NR3C2: variants seen among roughly 807,000 people sequenced by gnomAD.
The protein encoded by NR3C2 is mineralocorticoid receptor.
Under a neutral mutation model 86.4 loss-of-function variants are expected in NR3C2, and 15 were observed. The observed-to-expected ratio is 0.17, with a 90% CI of 0.12 to 0.27. The LOEUF (loss-of-function observed/expected upper bound fraction) is 0.27. NR3C2 is among the 10% of genes least tolerant of loss of function. The pLI, the probability that NR3C2 is intolerant of heterozygous loss-of-function variation, is 1.00. For synonymous variants in NR3C2, 458 were observed against 450.5 expected (o/e 1.02, Z -0.21); for missense variants, 960 against 1,195.6 (o/e 0.80, Z 2.91).
intron 2 of NR3C2, among the ~76,000 whole-genome samples, chr4:148,309,098 A>G (rs1372728837): frequency 6.6e-6 from 1 of 152,224 alleles, no homozygotes; most frequent in East Asian, 1.9e-4. Context: ...TGATCACTAT[A>G]CATTATACGT....
chr4:148,092,968 A>G (rs1440908684), intron 8 of NR3C2, among the ~76,000 whole-genome samples: 1 of 152,228 alleles, frequency 6.6e-6, no homozygotes, highest in African/African-American at 2.4e-5. Context: ...CTTTCCTGGT[A>G]GATCCCAGGC....
At chr4:148,174,275 G>A (rs1054279046) in intron 4 of NR3C2, among the ~76,000 whole-genome samples, 1 of 151,956 alleles carries the variant, frequency 6.6e-6, no homozygotes, top group African/African-American at 2.4e-5. Context: ...TATTTTAATC[G>A]AATCTCTTAT....
chr4:148,234,555 C>T lies in NR3C2; in HGVS notation c.1897+25423G>A, dbSNP rs970691955. Among the ~76,000 whole-genome samples the T allele has an allele frequency of 9.2e-5, 14 of 151,820 alleles. 1 individual carries two copies. Among genetic ancestry groups the T allele is most frequent in the South Asian group, 8.3e-4 (4 of 4,806 alleles). On this transcript the variant is annotated intron_variant, in intron 3 of 8. Transcript: ENST00000358102. ...AAAATTAGCCAGGTATGGTGGCATG[C>T]GCCTGTAGTCCTAGCTACTTGGGAG... is the stretch of plus-strand genomic sequence containing the variant.
At chr4:148,414,040 C>G (rs138160899) in intron 2 of NR3C2, among the ~76,000 whole-genome samples, 2 of 152,148 alleles carry the variant, frequency 1.3e-5, no homozygotes, top group East Asian at 3.8e-4. Flanking sequence ...AGCAATAAAA[C>G]TGGAAACAAT....
chr4:148,360,073 A>G (rs1745764300), intron 2 of NR3C2, among the ~76,000 whole-genome samples: 1 of 152,166 alleles, frequency 6.6e-6, no homozygotes, highest in African/African-American at 2.4e-5. Flanking sequence ...GAAGAAATGG[A>G]ATTTTCTATA....
chr4:148,193,761 A>G (rs1736312072), intron 4 of NR3C2, among the ~76,000 whole-genome samples: 1 of 152,106 alleles, frequency 6.6e-6, no homozygotes, highest in Non-Finnish European at 1.5e-5. Flanking sequence ...ATTAAGAAAA[A>G]TTCATGTTTT....
chr4:148,283,398 T>A (rs1741346039), intron 2 of NR3C2, among the ~76,000 whole-genome samples: 1 of 152,206 alleles, frequency 6.6e-6, no homozygotes, highest in Non-Finnish European at 1.5e-5. Flanking sequence ...GTTCCCTTCA[T>A]GCCAAGTTTA....
At chr4:148,331,199 T>C (rs961890066) in intron 2 of NR3C2, among the ~76,000 whole-genome samples, 1 of 151,438 alleles carries the variant, frequency 6.6e-6, no homozygotes, top group Non-Finnish European at 1.5e-5. Context: ...GGAAAAAAAA[T>C]ATGTCATTTT....
In NR3C2 at chr4:148,262,093, C is replaced by T. The variant is rs909879737; in HGVS notation, c.1758-1976G>A. On this transcript the variant is annotated intron_variant, in intron 2 of 8. Coordinates refer to ENST00000358102, the MANE Select transcript of NR3C2 (RefSeq NM_000901.5). The stretch of plus-strand genomic sequence containing the variant: ...ATTAGCCAGTAAAACTTAATCCATA[C>T]CCTGTCTGACTCATCTTACACTTCA... 1.2e-4 allele frequency among the ~76,000 whole-genome samples: 19 copies of T among 152,212 alleles called. 1 individual carries two copies. Among genetic ancestry groups the T allele is most frequent in the African/African-American group, 3.6e-4 (15 of 41,460 alleles).
intron 2 of NR3C2, among the ~76,000 whole-genome samples, chr4:148,299,280 C>G (rs551455243): frequency 6.6e-6 from 1 of 152,164 alleles, no homozygotes; most frequent in South Asian, 2.1e-4. Flanking sequence ...AAGTAAAATG[C>G]AGAACAAAAA....
rs193118205 is a variant in NR3C2, at chr4:148,094,629, C to T, written c.2800-13130G>A. On this transcript the variant is annotated intron_variant, in intron 8 of 8. Coordinates refer to ENST00000358102, the MANE Select transcript of NR3C2 (RefSeq NM_000901.5). ...ACTCGGGAAGCTGAGGTAGGAGAAT[C>T]GCTTGAACCCGGGAGGCGGAGGTTG... is the stretch of plus-strand genomic sequence containing the variant. Among the ~76,000 whole-genome samples, 1,385 of 151,650 alleles carry T rather than the reference C, an allele frequency of 9.1e-3. 24 individuals are homozygous for T. The highest frequency in any genetic ancestry group is 0.031 in the African/African-American group (1,296 of 41,354).
chr4:148,157,072 G>A (rs984211573), intron 4 of NR3C2, among the ~76,000 whole-genome samples: 4 of 146,156 alleles, frequency 2.7e-5, no homozygotes, highest in East Asian at 2.0e-4. Flanking sequence ...ACCAAACACC[G>A]CAGGTTCTCA....
intron 3 of NR3C2, among the ~76,000 whole-genome samples, chr4:148,210,790 T>C (rs1737245586): frequency 6.6e-6 from 1 of 152,234 alleles, no homozygotes; most frequent in Non-Finnish European, 1.5e-5. Context: ...ATTACACTAA[T>C]ATGTTAAATA....
intron 5 of NR3C2, 30 bp downstream of exon 5, chr4:148,154,521 T>C (rs1008663084): frequency 1.2e-6 from 2 of 1,603,858 alleles, no homozygotes; most frequent in Non-Finnish European, 1.7e-6. Flanking sequence ...AAGTTCAGGA[T>C]GCAGCCTGTG....
At chr4:148,109,545 C>A (rs965639903) in intron 8 of NR3C2, among the ~76,000 whole-genome samples, 2 of 152,306 alleles carry the variant, frequency 1.3e-5, no homozygotes, top group East Asian at 3.9e-4. Flanking sequence ...GGTTTGAATA[C>A]CTGATTACTT....
intron 8 of NR3C2, among the ~76,000 whole-genome samples, chr4:148,097,466 G>A (rs941075655): frequency 1.3e-4 from 20 of 152,168 alleles, no homozygotes; most frequent in Non-Finnish European, 4.4e-5. Flanking sequence ...AGAATTGCAC[G>A]CCAGGTTCTG....
intron 2 of NR3C2, among the ~76,000 whole-genome samples, chr4:148,426,513 C>T (rs1397137338): frequency 6.6e-6 from 1 of 152,202 alleles, no homozygotes; most frequent in East Asian, 1.9e-4. Context: ...TCTAGATAGT[C>T]TTGGAGCCCT....
intron 6 of NR3C2, among the ~76,000 whole-genome samples, chr4:148,144,306 G>A (rs1695797347): frequency 6.6e-6 from 1 of 152,126 alleles, no homozygotes; most frequent in African/African-American, 2.4e-5. Flanking sequence ...GGTTGCTCAA[G>A]TGATCCTCCC....
intron 6 of NR3C2, among the ~76,000 whole-genome samples, chr4:148,121,699 A>AC (rs1732511214): frequency 1.3e-5 from 2 of 152,188 alleles, no homozygotes; most frequent in African/African-American, 4.8e-5. Context: ...AGCATACAGT[A>AC]CTGCTTTGTT....
Sources: allele counts gnomAD v4.1 joint callset (sites outside exome capture counted in the v4.1 genomes callset), GRCh38; gene constraint gnomAD v4.1.1; transcripts MANE v1.5; gene names NCBI Gene and HGNC (gene_info 2026-07-23, HGNC 2026-07-21).